The following UTRN variants were observed in gnomAD, a reference collection of about 807,000 sequenced individuals.
The protein encoded by UTRN is utrophin.
UTRN carries 283 observed loss-of-function variants against 463.9 expected under a neutral mutation model. The observed-to-expected ratio is 0.61, with a 90% CI of 0.55 to 0.67. The LOEUF is 0.67. Ranked by LOEUF, UTRN falls within the 30% of genes least tolerant of loss-of-function variation. The pLI is 0.00. For missense variants in UTRN, 3,922 were observed against 4,084.3 expected (o/e 0.96, Z 1.08); for synonymous variants, 1,442 against 1,431.5 (o/e 1.01, Z -0.17).
rs545945722 is a variant in UTRN at position 144,370,665 on chromosome 6, A to G, written c.80-32458A>G. ...AGACCCCAGAATGGTAGATCCACTG[A>G]CAGCTAACATCGTGCACCTGGAAAA... is the stretch of plus-strand genomic sequence containing the variant. On this transcript the variant is annotated intron_variant, in intron 2 of 74. Transcript: ENST00000367545. Among the ~76,000 whole-genome samples, 3 of 152,268 alleles carry G rather than the reference A, an allele frequency of 2.0e-5. No homozygotes were observed. The South Asian group carries it at 6.2e-4, about 32-fold the overall frequency.
rs183376618 is a variant in UTRN at position 144,527,451 on chromosome 6, C to A, written c.5907-3601C>A. On this transcript the variant is annotated intron_variant, in intron 41 of 74. Coordinates refer to ENST00000367545, the MANE Select transcript of UTRN (RefSeq NM_007124.3). Reference sequence around the variant, plus strand: ...TATTCTTTCCTTCTTATTGACTTTACGTAACCTGATGACCATGTGCCTAGG... The same window carrying A: ...TATTCTTTCCTTCTTATTGACTTTAAGTAACCTGATGACCATGTGCCTAGG... Among the ~76,000 whole-genome samples, 10 of 152,306 alleles carry A rather than the reference C, an allele frequency of 6.6e-5. No homozygotes were observed. In the East Asian group the frequency reaches 1.3e-3, roughly 21 times the overall value.
chr6:144,598,417 A>G (rs762567504), intron 51 of UTRN, among the ~76,000 whole-genome samples: 4 of 152,196 alleles, frequency 2.6e-5, no homozygotes, highest in African/African-American at 4.8e-5. Context: ...GCAGAGACCA[A>G]GGTTCTTATT....
chr6:144,332,054 C>T lies in UTRN; in HGVS notation c.79+40147C>T, dbSNP rs368754638. ...AGGGTCTTTCCTCCACCTGGAATAC[C>T]GGCCCCCAGCTCTTGGCTATCTCCT... On this transcript the variant is annotated intron_variant, in intron 2 of 74. Transcript: ENST00000367545. 7.9e-5 allele frequency among the ~76,000 whole-genome samples: 12 copies of T among 152,268 alleles called. 1 individual carries two copies. The highest frequency in any genetic ancestry group is 4.1e-4 in the South Asian group (2 of 4,820).
At chr6:144,801,710 C>G (rs1777714186) in intron 64 of UTRN, among the ~76,000 whole-genome samples, 1 of 152,060 alleles carries the variant, frequency 6.6e-6, no homozygotes, top group Non-Finnish European at 1.5e-5. Flanking sequence ...TAAATTAGAA[C>G]TTTAGTTTTC....
At chr6:144,398,078 G>A (rs1584608353) in intron 2 of UTRN, 1 of 246,706 alleles carries the variant, frequency 4.1e-6, no homozygotes. Context: ...TCCGTGCTCT[G>A]GAAAGGAATA....
chr6:144,291,694 T>A (rs1338518578), intron 1 of UTRN, 43 bp from the exon 2 acceptor site: 1 of 602,332 alleles, frequency 1.7e-6, no homozygotes, highest in Admixed American at 3.6e-5. Flanking sequence ...ATAAAATATA[T>A]AAATACATTT....
intron 51 of UTRN, among the ~76,000 whole-genome samples, chr6:144,622,184 G>GTTTTTTTTTTTTTTTTTTTTTTT (rs1199579909): frequency 3.4e-5 from 3 of 88,202 alleles, no homozygotes; most frequent in Admixed American, 1.6e-4. Flanking sequence ...TTTTTTTGTT[G>GTTTTTTTTTTTTTTTTTTTTTTT]TTTTTTTTTT....
At chr6:144,329,084 C>CTTT (rs1223318985) in intron 2 of UTRN, among the ~76,000 whole-genome samples, 2 of 133,320 alleles carry the variant, frequency 1.5e-5, no homozygotes, top group African/African-American at 5.9e-5. Context: ...CGCACCTGGC[C>CTTT]TTTTTTTTTT....
intron 51 of UTRN, among the ~76,000 whole-genome samples, chr6:144,612,081 T>A (rs1206690277): frequency 6.6e-6 from 1 of 152,096 alleles, no homozygotes; most frequent in Non-Finnish European, 1.5e-5. Context: ...ACATTTATAG[T>A]CAACTGATTT....
intron 51 of UTRN, among the ~76,000 whole-genome samples, chr6:144,639,523 A>G (rs1248840929): frequency 6.6e-6 from 1 of 152,216 alleles, no homozygotes; most frequent in Non-Finnish European, 1.5e-5. Context: ...GTGATTCAAC[A>G]GACCCTTTAA....
In UTRN at chr6:144,286,476, G is replaced by A. The variant is rs1249189092; in HGVS notation, c.-93+655G>A. 6.6e-6 allele frequency among the ~76,000 whole-genome samples: 1 copy of A among 152,190 alleles called. No homozygotes were observed. Among genetic ancestry groups the A allele is most frequent in the Admixed American group, 6.5e-5 (1 of 15,292 alleles). ...GCAGCGGCCCTGGAGAGACTGAGGG[G>A]ACAGGAGGAGGGGGGCGCCCCATTG... On this transcript the variant is annotated intron_variant, in intron 1 of 74. Transcript: ENST00000367545. The surrounding 1 kb of genome is among the most constrained non-coding windows in gnomAD (Gnocchi z 4.4).
intron 50 of UTRN, among the ~76,000 whole-genome samples, chr6:144,561,392 G>T (rs1325274365): frequency 1.3e-5 from 2 of 150,894 alleles, no homozygotes; most frequent in Non-Finnish European, 3.0e-5. Flanking sequence ...GCACATGCAT[G>T]TATATACAGG....
chr6:144,473,885 T>C, intron 24 of UTRN, 52 bp downstream of exon 24: 1 of 1,321,866 alleles, frequency 7.6e-7, no homozygotes, highest in Non-Finnish European at 1.1e-6. Flanking sequence ...TTGTTCTTTT[T>C]CTATGTTATT....
chr6:144,823,728 T>C (rs1320012790), intron 66 of UTRN, among the ~76,000 whole-genome samples: 1 of 152,124 alleles, frequency 6.6e-6, no homozygotes, highest in African/African-American at 2.4e-5. Flanking sequence ...TAAAGAATAC[T>C]CCATTGAAAA....
chr6:144,333,523 T>TA (rs944577902), intron 2 of UTRN, among the ~76,000 whole-genome samples: 4 of 151,998 alleles, frequency 2.6e-5, no homozygotes, highest in Non-Finnish European at 4.4e-5. Context: ...TAATGCCAGG[T>TA]AAAAAAAATG....
chr6:144,793,688 A>T, intron 62 of UTRN, 146 bp from the exon 63 acceptor site: 2 of 937,912 alleles, frequency 2.1e-6, no homozygotes, highest in Non-Finnish European at 3.2e-6. Context: ...TATTAAGGTC[A>T]TTGGAATTCA....
intron 51 of UTRN, among the ~76,000 whole-genome samples, chr6:144,622,183 T>TG (rs1775466409): frequency 1.6e-5 from 2 of 126,014 alleles, no homozygotes; most frequent in Non-Finnish European, 3.2e-5. Context: ...TTTTTTTTGT[T>TG]GTTTTTTTTT....
chr6:144,330,266 G>T (rs569183689), intron 2 of UTRN, among the ~76,000 whole-genome samples: 1 of 152,248 alleles, frequency 6.6e-6, no homozygotes, highest in East Asian at 1.9e-4. Context: ...TGAGCAGAGG[G>T]CTGTGGATTA....
At chr6:144,604,268 T>C (rs1804582166) in intron 51 of UTRN, among the ~76,000 whole-genome samples, 1 of 152,144 alleles carries the variant, frequency 6.6e-6, no homozygotes, top group Non-Finnish European at 1.5e-5. Flanking sequence ...TGAAAAGCCA[T>C]ATAGGATTAT....
Sources: gnomAD v4.1 joint callset for allele counts (sites outside exome capture counted in the v4.1 genomes callset) on GRCh38, gnomAD v4.1.1 for gene constraint, Gnocchi (gnomAD v3.1) non-coding constraint, MANE v1.5 for transcripts, NCBI Gene and HGNC (gene_info 2026-07-23, HGNC 2026-07-21) for gene names.